The following NECAB3 variants were observed in gnomAD, a reference collection of about 807,000 sequenced individuals.
NECAB3 encodes N-terminal EF-hand calcium-binding protein 3.
In NECAB3, 38 loss-of-function variants were observed where a neutral mutation model predicts 57.2. The observed-to-expected ratio is 0.66, with a 90% CI of 0.51 to 0.87. The LOEUF (loss-of-function observed/expected upper bound fraction) is 0.87, where lower values mean the gene tolerates loss of function less well. Ranked by LOEUF, NECAB3 falls within the 40% of genes least tolerant of loss-of-function variation. The pLI is 0.00. For synonymous variants in NECAB3, 223 were observed against 222.6 expected, an observed-to-expected ratio of 1.00 and a Z score of -0.02; for missense variants, 474 against 527.5, an observed-to-expected ratio of 0.90 and a Z score of 0.99.
chr20:33,660,129 A>G lies in NECAB3; in HGVS notation c.525-126T>C, dbSNP rs2017419030. The stretch of plus-strand genomic sequence containing the variant: ...AAAGCCAGTCTCATTTCACCCCGCC[A>G]TGGCTACCCTGCCATGGCTTCCCCG... On this transcript the variant is annotated intron_variant, in intron 6 of 11. Coordinates refer to ENST00000246190, the MANE Select transcript of NECAB3 (RefSeq NM_031232.4). The surrounding 1 kb of genome is among the most constrained non-coding windows in gnomAD (Gnocchi z 4.1). 4 of 1,526,446 alleles carry G rather than the reference A, an allele frequency of 2.6e-6. No individual in the cohort carries two copies. The Admixed American group carries it at 7.9e-5, about 30-fold the overall frequency. The allele number at this position is 1,526,446 out of a possible 1,614,324, so 94.6% of individuals were successfully genotyped here.
intron 5 of NECAB3, chr20:33,666,624 T>C (rs1339904401): frequency 6.6e-6 from 1 of 152,342 alleles, no homozygotes; most frequent in African/African-American, 2.4e-5. Flanking sequence ...TCCCGGGGGC[T>C]TCTTAGGATC....
chr20:33,671,562 G>A (rs1250280288), intron 2 of NECAB3, among the ~76,000 whole-genome samples: 1 of 152,198 alleles, frequency 6.6e-6, no homozygotes, highest in East Asian at 1.9e-4. Context: ...CTAGGAGGAT[G>A]AAACACAAGA....
rs1012882128 is a variant in NECAB3 at position 33,660,508 on chromosome 20, A to G, written c.388-113T>C. 2.1e-6 allele frequency: 3 copies of G among 1,410,910 alleles called. No homozygotes were observed. The highest frequency in any genetic ancestry group is 2.9e-6 in the Non-Finnish European group (3 of 1,038,720). 87.4% of individuals were successfully genotyped at this position (1,410,910 alleles called of 1,614,324 possible). The stretch of plus-strand genomic sequence containing the variant: ...CGGTGGCAGTGCCAAGAGCAGGGGC[A>G]CGCAAACCTGGCACAGGCAGGAGGG... On this transcript the variant is annotated intron_variant, in intron 5 of 11. Transcript: ENST00000246190. This position sits in a 1 kb window ranked among gnomAD's most constrained non-coding sequence, Gnocchi z 4.1.
chr20:33,667,396 C>G (rs1020671838), intron 5 of NECAB3: 216 of 1,385,000 alleles, frequency 1.6e-4, no homozygotes, highest in Non-Finnish European at 2.0e-4. Context: ...GTGCCCAGAG[C>G]AGTGGCCCGT....
At chr20:33,661,870 C>T (rs1397759830) in intron 5 of NECAB3, among the ~76,000 whole-genome samples, 1 of 152,180 alleles carries the variant, frequency 6.6e-6, no homozygotes, top group African/African-American at 2.4e-5. Flanking sequence ...AGGCTGGACT[C>T]GAACTCCTGA....
At chr20:33,673,156 G>A (rs2017866919) in intron 1 of NECAB3, among the ~76,000 whole-genome samples, 2 of 152,190 alleles carry the variant, frequency 1.3e-5, no homozygotes, top group African/African-American at 2.4e-5. Context: ...GAGGAGCAGA[G>A]TCAAGACAGG....
At position 33,667,801 on chromosome 20, in the gene NECAB3, C is replaced by A. The variant is rs116576871; in HGVS notation, c.387+1574G>T. The A allele has an allele frequency of 9.1e-4, 1,461 of 1,612,650 alleles. 9 individuals are homozygous for A. In the African/African-American group the frequency reaches 0.015, roughly 17 times the overall value. ...CGACCTCCGCGACCCCGCCCGCCAC[C>A]ATCCGGCCAGTTTCAGCGTGGGTAA... On this transcript the variant is annotated intron_variant, in intron 5 of 11. Transcript: ENST00000246190.
chr20:33,674,128 C>A, intron 1 of NECAB3, 96 bp downstream of exon 1: 1 of 1,182,580 alleles, frequency 8.5e-7, no homozygotes, highest in Non-Finnish European at 1.1e-6. Flanking sequence ...GGGGAAGAGA[C>A]CCAGAAACAG....
chr20:33,669,789 C>G, intron 3 of NECAB3, 77 bp from the exon 4 acceptor site: 1 of 1,459,168 alleles, frequency 6.9e-7, no homozygotes, highest in Non-Finnish European at 9.2e-7. Flanking sequence ...CCCCACATCC[C>G]ACCCCACCAA....
chr20:33,661,770 C>A (rs538222475), intron 5 of NECAB3, among the ~76,000 whole-genome samples: 100 of 152,342 alleles, frequency 6.6e-4, no homozygotes, highest in African/African-American at 2.3e-3. Context: ...CCTGCCTCAG[C>A]CTCTTGAATA....
Position 33,672,599 on chromosome 20 carries a change from C to T in NECAB3, c.130-177G>A, listed in dbSNP as rs41309310. The stretch of plus-strand genomic sequence containing the variant: ...GCCCTGCAGGAGCTTTTCCTGCAAG[C>T]GGGGCACAGGAAGAGCACGCAGCGG... On this transcript the variant is annotated intron_variant, in intron 1 of 11. Coordinates refer to ENST00000246190, the MANE Select transcript of NECAB3 (RefSeq NM_031232.4). Among the ~76,000 whole-genome samples the T allele has an allele frequency of 3.3e-3, 503 of 152,346 alleles. 1 individual carries two copies. The highest frequency in any genetic ancestry group is 5.6e-3 in the Non-Finnish European group (384 of 68,042).
Position 33,667,547 on chromosome 20 carries a change from G to T in NECAB3, c.387+1828C>A, listed in dbSNP as rs1216722731. 1.3e-6 allele frequency: 2 copies of T among 1,548,792 alleles called. No homozygotes were observed. The highest frequency in any genetic ancestry group is 1.7e-6 in the Non-Finnish European group (2 of 1,148,212). On this transcript the variant is annotated intron_variant, in intron 5 of 11. Transcript: ENST00000246190. ...CTCTGCTCCACCGGCGCGTTCAGCG[G>T]GCTGGCCGTGGAGGCGGGCGCGGGC...
chr20:33,667,439 C>T (rs1601167938), intron 5 of NECAB3: 3 of 1,413,368 alleles, frequency 2.1e-6, no homozygotes, highest in East Asian at 5.5e-5. Context: ...GCGCCGCCCG[C>T]GGGCCGCGAA....
chr20:33,663,414 C>G, intron 5 of NECAB3: 1 of 1,103,482 alleles, frequency 9.1e-7, no homozygotes, highest in Non-Finnish European at 1.2e-6. Flanking sequence ...GATGACAGGA[C>G]CCGGGTGGAC....
At chr20:33,663,208 G>A (rs1005383456) in intron 5 of NECAB3, among the ~76,000 whole-genome samples, 3 of 152,228 alleles carry the variant, frequency 2.0e-5, no homozygotes, top group African/African-American at 7.2e-5. Context: ...AGGCGGGGGT[G>A]GGAGGTGCTG....
chr20:33,663,241 G>T, intron 5 of NECAB3: 1 of 504,144 alleles, frequency 2.0e-6, no homozygotes, highest in Middle Eastern at 5.1e-4. Context: ...ATAGGGCCTG[G>T]AAGGGATCTC....
intron 5 of NECAB3, chr20:33,663,657 C>G (rs758981545): frequency 3.1e-5 from 50 of 1,588,502 alleles, no homozygotes; most frequent in Non-Finnish European, 4.3e-5. Flanking sequence ...GCGGAGCGGG[C>G]GAAGGTAGCG....
intron 5 of NECAB3, 144 bp downstream of exon 5, chr20:33,669,230 AG>A: frequency 1.4e-6 from 1 of 725,518 alleles, no homozygotes; most frequent in Non-Finnish European, 2.3e-6. Context: ...AGAGAGGTCA[AG>A]GGGCACAGCT....
intron 5 of NECAB3, among the ~76,000 whole-genome samples, chr20:33,661,386 A>G (rs2017470607): frequency 6.6e-6 from 1 of 152,164 alleles, no homozygotes; most frequent in Non-Finnish European, 1.5e-5. Flanking sequence ...AGCCCCATCC[A>G]TCAGAGACTT....
Sources: allele counts gnomAD v4.1 joint callset (sites outside exome capture counted in the v4.1 genomes callset), GRCh38; gene constraint gnomAD v4.1.1; non-coding constraint Gnocchi (gnomAD v3.1); transcripts MANE v1.5; gene names NCBI Gene and HGNC (gene_info 2026-07-23, HGNC 2026-07-21).